The following RIPK4 variants were observed in gnomAD, a reference collection of about 807,000 sequenced individuals.
RIPK4 encodes receptor interacting serine/threonine kinase 4, also known as receptor-interacting serine/threonine-protein kinase 4.
In RIPK4, 17 loss-of-function variants were observed where a neutral mutation model predicts 42.9. The ratio of observed to expected loss-of-function variants is 0.40; its 90% CI spans 0.27 to 0.59. The LOEUF (loss-of-function observed/expected upper bound fraction) is 0.59, where lower values mean the gene tolerates loss of function less well. RIPK4 is among the 20% of genes least tolerant of loss of function. The probability of loss-of-function intolerance (pLI) is 0.47; values close to 1 mark genes in which losing one functional copy is unlikely to be tolerated. For missense variants in RIPK4, 897 were observed against 1,104.4 expected (o/e 0.81, Z 2.66); for synonymous variants, 498 against 499.1 (o/e 1.00, Z 0.03).
intron 1 of RIPK4, among the ~76,000 whole-genome samples, chr21:41,758,010 A>AAG: frequency 9.3e-6 from 1 of 107,006 alleles, no homozygotes; most frequent in Non-Finnish European, 1.7e-5. Context: ...AAAAAAAAAA[A>AAG]AAAAAAAAAA....
chr21:41,744,658 G>A (rs567152100), intron 6 of RIPK4, among the ~76,000 whole-genome samples: 22 of 152,330 alleles, frequency 1.4e-4, no homozygotes, highest in African/African-American at 5.3e-4. Context: ...CATGTATGGC[G>A]GGACACAGCT....
At position 41,740,977 on chromosome 21, in the gene RIPK4, A is replaced by C. The variant is rs1439879479; in HGVS notation, c.2216T>G (p.Leu739Arg). ...GTGCCGGCCCTGGGCGGCCAGGTGCAGCGCGCTGAGCCCCTGCTCGTCGAA... is the reference window on the plus strand; with the variant it reads ...GTGCCGGCCCTGGGCGGCCAGGTGCCGCGCGCTGAGCCCCTGCTCGTCGAA... ...DLFDEQGLSA[L>R]HLAAQGRHAQ... The change falls in exon 8 of 8, where the codon CTG (leucine) becomes CGG (arginine). Residue 739 changes from leucine to arginine, a missense_variant. By Grantham distance (102) the Leu-to-Arg change is moderately radical. Transcript: ENST00000332512. The C allele has an allele frequency of 6.2e-7, 1 of 1,611,686 alleles. No homozygotes were observed. The highest frequency in any genetic ancestry group is 8.5e-7 in the Non-Finnish European group (1 of 1,179,804).
intron 4 of RIPK4, 40 bp from the exon 5 acceptor site, chr21:41,746,811 T>C (rs1340099232): frequency 6.5e-7 from 1 of 1,536,740 alleles, no homozygotes; most frequent in South Asian, 1.2e-5. Flanking sequence ...TCTGCAGGGC[T>C]GGGTGGCAGC....
chr21:41,748,114 CA>C (rs1284806400), intron 4 of RIPK4, among the ~76,000 whole-genome samples: 1 of 152,226 alleles, frequency 6.6e-6, no homozygotes, highest in Non-Finnish European at 1.5e-5. Flanking sequence ...AGAAAGGCGA[CA>C]GGCGGTCAGA....
At chr21:41,758,021 A>AATAT (rs1195745927) in intron 1 of RIPK4, among the ~76,000 whole-genome samples, 73 of 51,330 alleles carry the variant, frequency 1.4e-3, no homozygotes, top group East Asian at 4.0e-3. Flanking sequence ...AAAAAAAAAA[A>AATAT]ATATATATAT....
At chr21:41,766,278 C>T (rs966384537) in intron 1 of RIPK4, among the ~76,000 whole-genome samples, 1 of 152,250 alleles carries the variant, frequency 6.6e-6, no homozygotes, top group African/African-American at 2.4e-5. Context: ...GAAGCCTCGC[C>T]CGAGCCAAGC....
intron 3 of RIPK4, among the ~76,000 whole-genome samples, chr21:41,749,995 G>C (rs576226127): frequency 6.6e-6 from 1 of 151,606 alleles, no homozygotes; most frequent in Non-Finnish European, 1.5e-5. Flanking sequence ...ATTCACCATC[G>C]AAAATTAGTT....
At chr21:41,746,391 G>A (rs970293077) in intron 5 of RIPK4, among the ~76,000 whole-genome samples, 16 of 152,346 alleles carry the variant, frequency 1.1e-4, no homozygotes, top group East Asian at 7.7e-4. Flanking sequence ...AGCAGGGGGC[G>A]GATGGTTGGA....
chr21:41,761,788 A>G (rs893147455), intron 1 of RIPK4, among the ~76,000 whole-genome samples: 4 of 152,382 alleles, frequency 2.6e-5, no homozygotes, highest in Admixed American at 1.3e-4. Flanking sequence ...GAGCCACTCC[A>G]CAAATAGTGT....
rs747144972 is a variant in RIPK4, at chr21:41,741,786, A to G, written c.1407T>C (p.Arg469=). 1 of 1,611,300 alleles carries G rather than the reference A, an allele frequency of 6.2e-7. No individual in the cohort carries two copies. The highest frequency in any genetic ancestry group is 8.5e-7 in the Non-Finnish European group (1 of 1,179,996). ...LNNANPNLSN[R]RGSTPLHMAV... Reference sequence around the variant, plus strand: ...CCATGTGCAACGGGGTGGAGCCCCTACGGTTGCTCAGGTTGGGGTTGGCAT... The same window carrying G: ...CCATGTGCAACGGGGTGGAGCCCCTGCGGTTGCTCAGGTTGGGGTTGGCAT... The change falls in exon 8 of 8, where the codon CGT becomes CGC. Residue 469 remains arginine, a synonymous_variant. Coordinates refer to ENST00000332512, the MANE Select transcript of RIPK4 (RefSeq NM_020639.3).
chr21:41,757,998 C>CCAAAAAAAAAAAAAAA (rs1479763213), intron 1 of RIPK4, among the ~76,000 whole-genome samples: 1 of 13,076 alleles, frequency 7.6e-5, no homozygotes, highest in African/African-American at 4.4e-4. Flanking sequence ...GACTCCATAA[C>CCAAAAAAAAAAAAAAA]AAAAAAAAAA....
intron 1 of RIPK4, 51 bp downstream of exon 1, chr21:41,766,809 C>G: frequency 6.4e-7 from 1 of 1,559,240 alleles, no homozygotes. Flanking sequence ...ACCCCGACCC[C>G]GACCCCAGCC....
intron 6 of RIPK4, among the ~76,000 whole-genome samples, chr21:41,744,941 C>T (rs992404924): frequency 6.6e-6 from 1 of 152,198 alleles, no homozygotes; most frequent in African/African-American, 2.4e-5. Flanking sequence ...CGGGATTTCA[C>T]GCTTCTTCCC....
At chr21:41,746,833 G>T in intron 4 of RIPK4, 62 bp from the exon 5 acceptor site, 1 of 1,508,656 alleles carries the variant, frequency 6.6e-7, no homozygotes, top group Non-Finnish European at 8.9e-7. Flanking sequence ...TCTCACCCTT[G>T]GGAGGAAACG....
At position 41,743,996 on chromosome 21, in the gene RIPK4, T is replaced by G; in HGVS notation, c.1081A>C (p.Lys361Gln). 6.2e-7 allele frequency: 1 copy of G among 1,612,972 alleles called. No homozygotes were observed. Among genetic ancestry groups the G allele is most frequent in the Non-Finnish European group, 8.5e-7 (1 of 1,179,950 alleles). ...EELSRSSSES[K>Q]LPSSGSGKRL... ...TTCCCACTGCCGGACGATGGCAGCT[T>G]GGACTCAGAGGAGCTGCGGCTGAGC... The change falls in exon 7 of 8, where the codon AAG (lysine) becomes CAG (glutamine). Residue 361 changes from lysine (K) to glutamine (Q), a missense_variant. Lys to Gln is a moderately conservative substitution (Grantham distance 53). Coordinates refer to ENST00000332512, the MANE Select transcript of RIPK4 (RefSeq NM_020639.3).
intron 6 of RIPK4, among the ~76,000 whole-genome samples, 187 bp downstream of exon 6, chr21:41,745,572 G>A (rs189214790): frequency 1.0e-3 from 158 of 152,336 alleles, no homozygotes; most frequent in African/African-American, 3.7e-3. Flanking sequence ...GTGGGGCGGG[G>A]ATGCAGTCGG....
At chr21:41,761,961 T>C (rs887070971) in intron 1 of RIPK4, among the ~76,000 whole-genome samples, 5 of 152,188 alleles carry the variant, frequency 3.3e-5, no homozygotes, top group African/African-American at 1.2e-4. Context: ...CCCCGGGCTC[T>C]TTCTGCAGAA....
intron 1 of RIPK4, among the ~76,000 whole-genome samples, chr21:41,766,163 G>A (rs1043577540): frequency 6.6e-6 from 1 of 152,206 alleles, no homozygotes; most frequent in African/African-American, 2.4e-5. Flanking sequence ...GAGAGTGTGC[G>A]GCGAGGAAGC....
intron 3 of RIPK4, among the ~76,000 whole-genome samples, chr21:41,750,543 C>A (rs1005119903): frequency 2.6e-5 from 4 of 152,206 alleles, no homozygotes; most frequent in Non-Finnish European, 5.9e-5. Context: ...ATCACCAAGG[C>A]TCTGACAGGG....
Sources: gnomAD v4.1 joint callset for allele counts (sites outside exome capture counted in the v4.1 genomes callset) on GRCh38, gnomAD v4.1.1 for gene constraint, MANE v1.5 for transcripts, NCBI Gene and HGNC (gene_info 2026-07-23, HGNC 2026-07-21) for gene names.